Variants in COL10A1 observed in about 807,000 individuals in gnomAD.
The protein encoded by COL10A1 is collagen alpha-1(X) chain.
Under a neutral mutation model 18.2 loss-of-function variants are expected in COL10A1, and 10 were observed. The observed-to-expected ratio is 0.55, with a 90% confidence interval of 0.34 to 0.93. The LOEUF (loss-of-function observed/expected upper bound fraction) is 0.93, where lower values mean the gene tolerates loss of function less well. COL10A1 is among the 40% of genes least tolerant of loss of function. The pLI, the probability that COL10A1 is intolerant of heterozygous loss-of-function variation, is 0.02. For synonymous variants in COL10A1, 330 were observed against 316.6 expected (o/e 1.04, Z -0.45); for missense variants, 897 against 853.5 (o/e 1.05, Z -0.64).
chr6:116,163,141 A>AAT (rs1554197063), upstream of COL10A1, among the ~76,000 whole-genome samples: 169 of 88,292 alleles, frequency 1.9e-3, 1 homozygote, highest in Middle Eastern at 0.014. Flanking sequence ...AAAAAAAAAA[A>AAT]ATATATATAT....
intron 1 of COL10A1, among the ~76,000 whole-genome samples, chr6:116,153,311 C>T (rs1426124642): frequency 6.8e-6 from 1 of 147,700 alleles, no homozygotes; most frequent in Non-Finnish European, 1.5e-5. Flanking sequence ...TGTTCTTACA[C>T]AGACTGCCCA....
chr6:116,168,631 GTTTGT>G, the COL10A1 span, among the ~76,000 whole-genome samples: 1 of 151,470 alleles, frequency 6.6e-6, no homozygotes, highest in Non-Finnish European at 1.5e-5. Flanking sequence ...TTTTTTGATT[GTTTGT>G]TTTGTTTTTA....
chr6:116,125,600 C>G (rs1779278508), intron 1 of COL10A1, 93 bp from the exon 2 acceptor site: 5 of 1,151,376 alleles, frequency 4.3e-6, no homozygotes, highest in East Asian at 2.6e-5. Flanking sequence ...ATACAGTTAT[C>G]TACTTTTTTA....
At chr6:116,172,482 C>T in the COL10A1 span, among the ~76,000 whole-genome samples, 9 of 151,858 alleles carry the variant, frequency 5.9e-5, no homozygotes, top group African/African-American at 2.2e-4. Context: ...CCACCACGCC[C>T]AGCCAATTTT....
At chr6:116,197,143 C>T in the COL10A1 span, among the ~76,000 whole-genome samples, 6 of 151,820 alleles carry the variant, frequency 4.0e-5, no homozygotes, top group Non-Finnish European at 7.4e-5. Context: ...CAGCTGCCCT[C>T]CTCACCTCTA....
chr6:116,202,313 A>G, the COL10A1 span, among the ~76,000 whole-genome samples: 1 of 151,998 alleles, frequency 6.6e-6, no homozygotes, highest in Admixed American at 6.6e-5. Flanking sequence ...TACATAGATC[A>G]GTAGCAGAAC....
the COL10A1 span, among the ~76,000 whole-genome samples, chr6:116,212,283 A>G: frequency 2.6e-5 from 4 of 152,080 alleles, no homozygotes; most frequent in East Asian, 1.9e-4. Flanking sequence ...ACTGATACAA[A>G]TACAGGTGGA....
chr6:116,173,819 A>G, the COL10A1 span, among the ~76,000 whole-genome samples: 2 of 152,160 alleles, frequency 1.3e-5, no homozygotes, highest in Non-Finnish European at 2.9e-5. Flanking sequence ...TGTCACATCT[A>G]AGAAACCAAC....
chr6:116,182,801 T>C, the COL10A1 span, among the ~76,000 whole-genome samples: 15 of 152,120 alleles, frequency 9.9e-5, no homozygotes, highest in Non-Finnish European at 1.3e-4. Flanking sequence ...TTGTTGGATG[T>C]ATAGATTGTA....
intron 1 of COL10A1, among the ~76,000 whole-genome samples, chr6:116,158,034 A>G (rs1390313239): frequency 2.5e-4 from 38 of 152,224 alleles, no homozygotes; most frequent in Non-Finnish European, 4.4e-5. Flanking sequence ...CACTTCTTAA[A>G]AAGAAAAAGC....
rs147376900 is a variant in COL10A1 at position 116,144,466 on chromosome 6, A to G, written c.-16+14148T>C. Among the ~76,000 whole-genome samples the G allele has an allele frequency of 7.8e-3, 1,185 of 151,536 alleles. 25 individuals are homozygous for G. Among genetic ancestry groups the G allele is most frequent in the African/African-American group, 0.027 (1,102 of 41,266 alleles). On this transcript the variant is annotated intron_variant, in intron 1 of 1. Coordinates refer to the COL10A1 transcript ENST00000418500. ...CAGTGAGCTGATGTTGTGCCACTGC[A>G]CTCCAGCCTGATGACAGAGCGAGAC...
At chr6:116,126,895 A>G (rs1017398964), upstream of COL10A1, among the ~76,000 whole-genome samples, 3 of 152,172 alleles carry the variant, frequency 2.0e-5, no homozygotes, top group African/African-American at 7.2e-5. Context: ...GAATCATCCC[A>G]ATTAGAAACA....
Position 116,120,277 on chromosome 6 carries a change from G to A in COL10A1, c.1839C>T (p.Gly613=), listed in dbSNP as rs765523908. 6.8e-6 allele frequency: 11 copies of A among 1,614,032 alleles called. No homozygotes were observed. Among genetic ancestry groups the A allele is most frequent in the Non-Finnish European group, 8.5e-6 (10 of 1,180,028 alleles). Residue 613 remains glycine, a synonymous_variant, in exon 3 of 3, where the codon GGC becomes GGT. Coordinates refer to ENST00000651968, the MANE Select transcript of COL10A1 (RefSeq NM_000493.4). ...VHVKGTHVWV[G]LYKNGTPVMY... The stretch of plus-strand genomic sequence containing the variant: ...TTACAGGGGTGCCATTCTTATACAG[G>A]CCTACCCAAACATGAGTCCCTTTCA...
upstream of COL10A1, among the ~76,000 whole-genome samples, chr6:116,129,286 T>C (rs1779406682): frequency 6.6e-6 from 1 of 152,204 alleles, no homozygotes; most frequent in South Asian, 2.1e-4. Context: ...TCCACATATA[T>C]TTTTTATTGA....
chr6:116,129,442 C>T (rs1034843139), upstream of COL10A1, among the ~76,000 whole-genome samples: 10 of 152,152 alleles, frequency 6.6e-5, no homozygotes, highest in Admixed American at 3.3e-4. Flanking sequence ...GATGAGGTTG[C>T]GAGGACTATG....
chr6:116,200,003 G>GC, the COL10A1 span, among the ~76,000 whole-genome samples: 6 of 151,098 alleles, frequency 4.0e-5, no homozygotes, highest in Admixed American at 1.3e-4. Flanking sequence ...GGAAAGTGGG[G>GC]GGGGAAGAGT....
At chr6:116,177,182 T>C in the COL10A1 span, among the ~76,000 whole-genome samples, 1 of 152,214 alleles carries the variant, frequency 6.6e-6, no homozygotes, top group Non-Finnish European at 1.5e-5. Context: ...GAGCTTTTCG[T>C]TTCCAACAAA....
chr6:116,183,903 C>A, the COL10A1 span, among the ~76,000 whole-genome samples: 8 of 151,912 alleles, frequency 5.3e-5, no homozygotes, highest in Non-Finnish European at 1.0e-4. Context: ...CTTTCTCTTG[C>A]CTGATTGCTG....
chr6:116,139,248 C>G (rs770538617), intron 1 of COL10A1, among the ~76,000 whole-genome samples: 5 of 152,064 alleles, frequency 3.3e-5, no homozygotes, highest in African/African-American at 7.2e-5. Context: ...AAAGAAGTCT[C>G]TCAGTCTACT....
Sources: gnomAD v4.1 joint callset for allele counts (sites outside exome capture counted in the v4.1 genomes callset) on GRCh38, gnomAD v4.1.1 for gene constraint, MANE v1.5 for transcripts, NCBI Gene and HGNC (gene_info 2026-07-23, HGNC 2026-07-21) for gene names.